Variants in EXOC6B observed in about 807,000 individuals in gnomAD.
EXOC6B encodes the protein SEC15 homolog B.
In EXOC6B, 54 loss-of-function variants were observed where a neutral mutation model predicts 113.5. The ratio of observed to expected loss-of-function variants is 0.48; its 90% confidence interval spans 0.38 to 0.60. EXOC6B has a LOEUF of 0.60. Ranked by LOEUF, EXOC6B falls within the 20% of genes least tolerant of loss-of-function variation. EXOC6B has a pLI of 0.00. For missense variants in EXOC6B, 797 were observed against 977.5 expected (o/e 0.82, Z 2.46); for synonymous variants, 357 against 339.0 (o/e 1.05, Z -0.58).
At chr2:72,516,157 G>C (rs892194479) in intron 8 of EXOC6B, among the ~76,000 whole-genome samples, 4 of 152,180 alleles carry the variant, frequency 2.6e-5, no homozygotes, top group Admixed American at 1.3e-4. Context: ...CAGTTTATGG[G>C]GCCTTGTTAC....
intron 5 of EXOC6B, among the ~76,000 whole-genome samples, chr2:72,729,495 C>CT (rs1280352353): frequency 1.3e-5 from 2 of 150,912 alleles, no homozygotes; most frequent in African/African-American, 4.9e-5. Context: ...ATCACAACCT[C>CT]TGCCTCCCAA....
At chr2:72,207,051 T>C (rs1226805155) in intron 20 of EXOC6B, among the ~76,000 whole-genome samples, 1 of 152,196 alleles carries the variant, frequency 6.6e-6, no homozygotes, top group Non-Finnish European at 1.5e-5. Context: ...AAATTATAGA[T>C]ACTGTCAAAA....
At chr2:72,311,887 T>G (rs1447306315) in intron 20 of EXOC6B, among the ~76,000 whole-genome samples, 1 of 152,214 alleles carries the variant, frequency 6.6e-6, no homozygotes, top group Admixed American at 6.5e-5. Context: ...TTAGACTAGA[T>G]CTAAAGGGAC....
At chr2:72,730,579 GACAC>G (rs3034987) in intron 5 of EXOC6B, among the ~76,000 whole-genome samples, 1,482 of 144,526 alleles carry the variant, frequency 0.01, 11 homozygotes, top group African/African-American at 0.02. Context: ...AACAGACAGA[GACAC>G]ACACACACAC....
Position 72,775,278 on chromosome 2 carries a change from C to G in EXOC6B, c.114-33809G>C, listed in dbSNP as rs112526294. Among the ~76,000 whole-genome samples the G allele has an allele frequency of 5.1e-4, 78 of 152,286 alleles. 1 individual carries two copies. Among genetic ancestry groups the G allele is most frequent in the African/African-American group, 1.7e-3 (70 of 41,550 alleles). ...GAGTATTCCAACCCTCTAATCAAGG[C>G]TTGGTCTTTCTGGCAACTAGCCCCT... On this transcript the variant is annotated intron_variant, in intron 1 of 21. Transcript: ENST00000272427.
At chr2:72,345,250 A>T (rs1396470428) in intron 19 of EXOC6B, among the ~76,000 whole-genome samples, 1 of 152,194 alleles carries the variant, frequency 6.6e-6, no homozygotes. Context: ...ATTATTGCCT[A>T]GGTGGGAAAA....
intron 6 of EXOC6B, among the ~76,000 whole-genome samples, chr2:72,595,398 T>A (rs1226502761): frequency 6.7e-6 from 1 of 149,060 alleles, no homozygotes; most frequent in Non-Finnish European, 1.5e-5. Flanking sequence ...TAAAAATAAT[T>A]GTATTAAAAT....
intron 20 of EXOC6B, among the ~76,000 whole-genome samples, chr2:72,280,666 C>T (rs72837105): frequency 0.11 from 16,874 of 151,936 alleles, 1,295 homozygotes; most frequent in Middle Eastern, 0.27. Flanking sequence ...CAGAGACAAA[C>T]ATTTTAAAAA....
intron 21 of EXOC6B, among the ~76,000 whole-genome samples, chr2:72,183,571 C>T (rs959199838): frequency 6.6e-6 from 1 of 152,160 alleles, no homozygotes; most frequent in Admixed American, 6.5e-5. Flanking sequence ...CACAATAAAG[C>T]TCAGTCTGGC....
chr2:72,586,736 G>A (rs1705608185), intron 6 of EXOC6B, among the ~76,000 whole-genome samples: 1 of 151,574 alleles, frequency 6.6e-6, no homozygotes, highest in Non-Finnish European at 1.5e-5. Context: ...TGGCGGCAGA[G>A]CAAGACTCCG....
intron 1 of EXOC6B, among the ~76,000 whole-genome samples, chr2:72,822,366 ACACCCTCTTTATGTG>A (rs1686630555): frequency 6.6e-6 from 1 of 152,218 alleles, no homozygotes; most frequent in Non-Finnish European, 1.5e-5. Flanking sequence ...TTGCTAGGCA[ACACCCTCTTTATGTG>A]TGGATATGCT....
intron 20 of EXOC6B, among the ~76,000 whole-genome samples, chr2:72,235,869 C>T (rs963063663): frequency 6.6e-6 from 1 of 152,036 alleles, no homozygotes; most frequent in African/African-American, 2.4e-5. Flanking sequence ...TTATAATACG[C>T]CACTTTGCAC....
intron 8 of EXOC6B, among the ~76,000 whole-genome samples, chr2:72,522,736 A>T (rs896815833): frequency 6.6e-6 from 1 of 152,222 alleles, no homozygotes; most frequent in African/African-American, 2.4e-5. Flanking sequence ...ATTCACCAAG[A>T]TCTAATATCC....
intron 6 of EXOC6B, among the ~76,000 whole-genome samples, chr2:72,700,132 T>C (rs1323068067): frequency 2.6e-5 from 4 of 152,122 alleles, no homozygotes; most frequent in Non-Finnish European, 5.9e-5. Flanking sequence ...TGTTATATTG[T>C]TGTTTTTTAT....
chr2:72,192,660 C>T (rs541142661), intron 20 of EXOC6B, among the ~76,000 whole-genome samples: 27 of 152,258 alleles, frequency 1.8e-4, no homozygotes, highest in Admixed American at 4.6e-4. Context: ...GGTAGGCATG[C>T]AGACAGACAC....
intron 1 of EXOC6B, among the ~76,000 whole-genome samples, chr2:72,803,900 C>T (rs1685436281): frequency 6.6e-6 from 1 of 152,188 alleles, no homozygotes; most frequent in African/African-American, 2.4e-5. Flanking sequence ...ACCAGCACAA[C>T]TGTACAAAGA....
intron 11 of EXOC6B, among the ~76,000 whole-genome samples, chr2:72,504,793 A>C (rs1700511631): frequency 6.6e-6 from 1 of 152,158 alleles, no homozygotes; most frequent in Non-Finnish European, 1.5e-5. Context: ...CAACATTAGT[A>C]CTGTTAATTC....
chr2:72,200,037 C>T (rs572297593), intron 20 of EXOC6B, among the ~76,000 whole-genome samples: 2 of 152,302 alleles, frequency 1.3e-5, no homozygotes, highest in African/African-American at 4.8e-5. Flanking sequence ...GCTGGGATTA[C>T]AAGCGTGTGC....
chr2:72,569,132 T>C (rs962630405), intron 7 of EXOC6B, among the ~76,000 whole-genome samples: 2 of 152,106 alleles, frequency 1.3e-5, no homozygotes, highest in Non-Finnish European at 2.9e-5. Flanking sequence ...TATTTCATTA[T>C]ATATATGGGC....
Sources: gnomAD v4.1 joint callset for allele counts (sites outside exome capture counted in the v4.1 genomes callset) on GRCh38, gnomAD v4.1.1 for gene constraint, MANE v1.5 for transcripts, NCBI Gene and HGNC (gene_info 2026-07-23, HGNC 2026-07-21) for gene names.